ZNRF2: variants seen among roughly 807,000 people sequenced by gnomAD.
ZNRF2 encodes zinc and ring finger 2, also known as E3 ubiquitin-protein ligase ZNRF2.
ZNRF2 carries 16 observed loss-of-function variants against 20.4 expected under a neutral mutation model. The observed-to-expected ratio is 0.79, with a 90% CI of 0.53 to 1.19. The LOEUF is 1.19. Ranked by LOEUF, ZNRF2 falls within the 50% of genes most tolerant of loss-of-function variation. The pLI is 0.00. For synonymous variants in ZNRF2, 178 were observed against 144.9 expected (o/e 1.23, Z -1.64); for missense variants, 363 against 332.4 (o/e 1.09, Z -0.72).
intron 4 of ZNRF2, among the ~76,000 whole-genome samples, 182 bp downstream of exon 4, chr7:30,362,638 G>T (rs997848883): frequency 2.6e-5 from 4 of 152,220 alleles, no homozygotes; most frequent in Admixed American, 2.0e-4. Flanking sequence ...TGTTGGCTGG[G>T]TATGCTGGCT....
At chr7:30,363,469 A>G (rs1325172286) in intron 4 of ZNRF2, among the ~76,000 whole-genome samples, 4 of 152,210 alleles carry the variant, frequency 2.6e-5, no homozygotes, top group Non-Finnish European at 4.4e-5. Context: ...ATTTGAACCC[A>G]GGTATTCTGG....
chr7:30,292,647 A>T (rs1798932014), intron 1 of ZNRF2, among the ~76,000 whole-genome samples: 1 of 152,094 alleles, frequency 6.6e-6, no homozygotes, highest in East Asian at 1.9e-4. Flanking sequence ...GACCTCACTG[A>T]CAAGGTGACA....
At chr7:30,285,975 T>C (rs774311686) in intron 1 of ZNRF2, 149 bp downstream of exon 1, 288 of 1,315,846 alleles carry the variant, frequency 2.2e-4, no homozygotes, top group Non-Finnish European at 2.6e-4. Flanking sequence ...GTCTCCATCC[T>C]GGAAGAAACC....
At chr7:30,300,319 C>T (rs944791858) in intron 1 of ZNRF2, among the ~76,000 whole-genome samples, 12 of 150,640 alleles carry the variant, frequency 8.0e-5, no homozygotes, top group African/African-American at 2.9e-4. Flanking sequence ...TGGCTAATTT[C>T]TGTATGTTTA....
rs951426842 is a variant in ZNRF2, at chr7:30,302,542, T to G, written c.469+16716T>G. On this transcript the variant is annotated intron_variant, in intron 1 of 4. Coordinates refer to ENST00000323037, the MANE Select transcript of ZNRF2 (RefSeq NM_147128.4). ...TTATGATATAAATTAAAGTACTATG[T>G]TTTTTTTTTTTGGTAATTTTGTTAC... Among the ~76,000 whole-genome samples, 16 of 130,838 alleles carry G rather than the reference T, an allele frequency of 1.2e-4. 1 individual carries two copies. The highest frequency in any genetic ancestry group is 3.6e-4 in the Admixed American group (5 of 13,710). 85.8% of individuals were successfully genotyped at this position (130,838 alleles called of 152,430 possible).
chr7:30,338,432 C>A (rs1339894068), intron 2 of ZNRF2, among the ~76,000 whole-genome samples: 11 of 143,096 alleles, frequency 7.7e-5, no homozygotes, highest in African/African-American at 2.1e-4. Context: ...AGCCCCCCCC[C>A]ACCCCCCAAC....
chr7:30,317,025 C>G (rs532927472), intron 1 of ZNRF2, among the ~76,000 whole-genome samples: 1 of 152,042 alleles, frequency 6.6e-6, no homozygotes, highest in African/African-American at 2.4e-5. Flanking sequence ...ATGTTTAAAA[C>G]AATTTTACCT....
intron 3 of ZNRF2, among the ~76,000 whole-genome samples, chr7:30,358,318 A>G (rs927017770): frequency 1.3e-5 from 2 of 152,234 alleles, no homozygotes; most frequent in African/African-American, 4.8e-5. Context: ...GTCAACAGAG[A>G]CTAAAAGGAC....
Position 30,285,495 on chromosome 7 carries a change from G to T in ZNRF2, c.138G>T (p.Ala46=). ...GCGGGGGCGCTCGGGCCGCCGCCGCGGGGAGGTTCCCGGCTCAGGTGCCCA... is the reference window on the plus strand; with the variant it reads ...GCGGGGGCGCTCGGGCCGCCGCCGCTGGGAGGTTCCCGGCTCAGGTGCCCA... The part of the protein sequence containing the change: ...GGGGGARAAA[A]GRFPAQVPSA... The change falls in exon 1 of 5, where the codon GCG becomes GCT. Residue 46 remains alanine, a synonymous_variant. Coordinates refer to ENST00000323037, the MANE Select transcript of ZNRF2 (RefSeq NM_147128.4). 1.9e-6 allele frequency: 2 copies of T among 1,069,552 alleles called. No individual in the cohort carries two copies. The highest frequency in any genetic ancestry group is 2.3e-6 in the Non-Finnish European group (2 of 886,528). The allele number at this position is 1,069,552 out of a possible 1,614,324, so 66.3% of individuals were successfully genotyped here.
intron 2 of ZNRF2, among the ~76,000 whole-genome samples, chr7:30,346,691 T>G (rs919122080): frequency 6.6e-6 from 1 of 152,122 alleles, no homozygotes; most frequent in African/African-American, 2.4e-5. Context: ...GTTTTTTCAC[T>G]CTATTCCTAT....
chr7:30,357,555 A>G (rs1001406946), intron 3 of ZNRF2, among the ~76,000 whole-genome samples: 1 of 152,214 alleles, frequency 6.6e-6, no homozygotes, highest in African/African-American at 2.4e-5. Context: ...AAGTAACAGG[A>G]GAATAAACAC....
At chr7:30,332,438 G>A (rs374000569) in intron 2 of ZNRF2, among the ~76,000 whole-genome samples, 2 of 152,154 alleles carry the variant, frequency 1.3e-5, no homozygotes, top group South Asian at 4.1e-4. Flanking sequence ...ATTGTGTAAT[G>A]CTGGGATTTG....
At chr7:30,292,756 T>A (rs1363477487) in intron 1 of ZNRF2, among the ~76,000 whole-genome samples, 1 of 152,070 alleles carries the variant, frequency 6.6e-6, no homozygotes, top group East Asian at 1.9e-4. Flanking sequence ...GAGGCATGAG[T>A]GTACCTGATA....
Position 30,285,769 on chromosome 7 carries a change from G to A in ZNRF2, c.412G>A (p.Gly138Arg). 6.7e-7 allele frequency: 1 copy of A among 1,490,784 alleles called. No individual in the cohort carries two copies. Among genetic ancestry groups the A allele is most frequent in the Non-Finnish European group, 8.9e-7 (1 of 1,127,270 alleles). The allele number at this position is 1,490,784 out of a possible 1,614,324, so 92.3% of individuals were successfully genotyped here. Residue 138 changes from glycine to arginine, a missense_variant, in exon 1 of 5, where the codon GGG becomes AGG. Around this residue, in one of 2 missense-constraint regions of ZNRF2, gnomAD observed 302 missense variants for 231.5 expected, o/e 1.30. Transcript: ENST00000323037. ...CCGGCCGGTGGGCGGGAGCCCCGGCGGGCCGCGCCTGGTGATCGGCTCCTT... is the reference window on the plus strand; with the variant it reads ...CCGGCCGGTGGGCGGGAGCCCCGGCAGGCCGCGCCTGGTGATCGGCTCCTT... Reference protein sequence around the residue: ...RDRPVGGSPGGPRLVIGSLPA... With the variant: ...RDRPVGGSPGRPRLVIGSLPA...
At chr7:30,315,067 C>T (rs1181792908) in intron 1 of ZNRF2, among the ~76,000 whole-genome samples, 1 of 152,132 alleles carries the variant, frequency 6.6e-6, no homozygotes, top group Non-Finnish European at 1.5e-5. Context: ...CTGCCCACCT[C>T]AGCCTCCCAA....
At position 30,284,889 on chromosome 7, in the gene ZNRF2, G is replaced by A. The variant is rs1798742454; in HGVS notation, c.-469G>A. The A allele has an allele frequency of 4.2e-6, 1 of 237,752 alleles. No homozygotes were observed. The highest frequency in any genetic ancestry group is 1.8e-4 in the East Asian group (1 of 5,504). 14.7% of individuals were successfully genotyped at this position (237,752 alleles called of 1,614,324 possible). A position where few individuals can be genotyped will look rare whatever the true frequency, so the allele number is the denominator to read the frequency against. ...AAGGTGGCCCCGGCGGAGTCTGGGC[G>A]GGCGCCTCCCACTCAGCCGCCAGCC... On this transcript the variant is annotated 5_prime_UTR_variant, in exon 1 of 5. Transcript: ENST00000323037.
At chr7:30,358,016 A>C (rs79269940) in intron 3 of ZNRF2, among the ~76,000 whole-genome samples, 196 of 152,308 alleles carry the variant, frequency 1.3e-3, no homozygotes, top group African/African-American at 4.5e-3. Context: ...ACCAAGTTGC[A>C]TTTATGCTAG....
At chr7:30,325,124 G>A (rs1013177428) in intron 2 of ZNRF2, among the ~76,000 whole-genome samples, 1 of 152,026 alleles carries the variant, frequency 6.6e-6, no homozygotes, top group African/African-American at 2.4e-5. Context: ...CTTTGGAATA[G>A]ACTTGGGGGG....
intron 2 of ZNRF2, among the ~76,000 whole-genome samples, chr7:30,330,230 T>C (rs1039255214): frequency 2.0e-5 from 3 of 152,194 alleles, no homozygotes; most frequent in Non-Finnish European, 4.4e-5. Context: ...GAGGTACAAC[T>C]TGAAATAAAG....
Sources: allele counts gnomAD v4.1 joint callset (sites outside exome capture counted in the v4.1 genomes callset), GRCh38; gene constraint gnomAD v4.1.1; regional missense constraint gnomAD v4.1.1; transcripts MANE v1.5; gene names NCBI Gene and HGNC (gene_info 2026-07-23, HGNC 2026-07-21).